The following NAA25 variants were observed in gnomAD, a reference collection of about 807,000 sequenced individuals.
NAA25 encodes N-terminal acetyltransferase B complex subunit NAA25.
NAA25 carries 30 observed loss-of-function variants against 132.5 expected under a neutral mutation model. That is an observed-to-expected ratio of 0.23 (90% CI 0.17 to 0.31). The LOEUF (loss-of-function observed/expected upper bound fraction) is 0.31, where lower values mean the gene tolerates loss of function less well. NAA25 is among the 10% of genes least tolerant of loss of function. NAA25 has a pLI of 1.00. For synonymous variants in NAA25, 359 were observed against 401.9 expected (o/e 0.89, Z 1.28); for missense variants, 771 against 1,150.4 (o/e 0.67, Z 4.77).
intron 17 of NAA25, among the ~76,000 whole-genome samples, chr12:112,045,841 T>A (rs1265976082): frequency 6.6e-6 from 1 of 151,998 alleles, no homozygotes; most frequent in African/African-American, 2.4e-5. Context: ...CTTAACAATT[T>A]TAAACAAATT....
intron 1 of NAA25, among the ~76,000 whole-genome samples, chr12:112,094,216 AGGCGACAGAGG>A (rs980661191): frequency 2.9e-5 from 4 of 140,290 alleles, no homozygotes; most frequent in Non-Finnish European, 4.6e-5. Context: ...ACTCCAGCCT[AGGCGACAGAGG>A]GAGACTCTGT....
At chr12:112,080,822 G>A (rs544980821) in intron 5 of NAA25, among the ~76,000 whole-genome samples, 19 of 151,952 alleles carry the variant, frequency 1.3e-4, no homozygotes, top group Admixed American at 1.2e-3. Flanking sequence ...TTTTTAATTA[G>A]CCAGGCAAGG....
At chr12:112,071,186 T>A (rs2078802026) in intron 10 of NAA25, among the ~76,000 whole-genome samples, 1 of 144,950 alleles carries the variant, frequency 6.9e-6, no homozygotes, top group African/African-American at 2.6e-5. Flanking sequence ...ATCCACCCAA[T>A]TTTTTGTATT....
chr12:112,057,341 A>G (rs984025063), intron 13 of NAA25, among the ~76,000 whole-genome samples: 1 of 152,224 alleles, frequency 6.6e-6, no homozygotes, highest in Non-Finnish European at 1.5e-5. Flanking sequence ...TTAATATAAG[A>G]GACTAGCAAA....
At chr12:112,059,047 C>T (rs1297651069) in intron 13 of NAA25, among the ~76,000 whole-genome samples, 1 of 117,960 alleles carries the variant, frequency 8.5e-6, no homozygotes, top group African/African-American at 3.4e-5. Flanking sequence ...GTACTCCAGT[C>T]TGGGCGACAG....
intron 9 of NAA25, among the ~76,000 whole-genome samples, chr12:112,072,336 G>C (rs1031671579): frequency 6.6e-6 from 1 of 152,144 alleles, no homozygotes; most frequent in Non-Finnish European, 1.5e-5. Flanking sequence ...GGCTGGGCGT[G>C]GTGGCTCACG....
chr12:112,078,617 A>G lies in NAA25; in HGVS notation c.585+17T>C, dbSNP rs780758982. On this transcript the variant is annotated intron_variant, in intron 6 of 23. Transcript: ENST00000261745. Reference sequence around the variant, plus strand: ...GCAAAAAAATGAAAACACAAAAGTAAGGCTTAAAATACTCACTTCAGCCTC... The same window carrying G: ...GCAAAAAAATGAAAACACAAAAGTAGGGCTTAAAATACTCACTTCAGCCTC... 6.3e-7 allele frequency: 1 copy of G among 1,594,060 alleles called. No individual in the cohort carries two copies. Among genetic ancestry groups the G allele is most frequent in the South Asian group, 1.1e-5 (1 of 89,878 alleles).
chr12:112,102,381 G>GA (rs35823628), intron 1 of NAA25, among the ~76,000 whole-genome samples: 180 of 139,130 alleles, frequency 1.3e-3, no homozygotes, highest in Non-Finnish European at 8.7e-4. Context: ...TCCAAAAACA[G>GA]AAAAAAAAAA....
At chr12:112,050,570 G>A (rs1016906558) in intron 15 of NAA25, among the ~76,000 whole-genome samples, 3 of 150,754 alleles carry the variant, frequency 2.0e-5, no homozygotes, top group Non-Finnish European at 4.4e-5. Flanking sequence ...GACAGCTGGA[G>A]TGCAGTGGTA....
At chr12:112,074,427 C>T (rs772143938) in intron 9 of NAA25, among the ~76,000 whole-genome samples, 2 of 147,908 alleles carry the variant, frequency 1.4e-5, no homozygotes, top group Non-Finnish European at 3.0e-5. Context: ...AGGCACCAAA[C>T]TATTAACAAG....
At chr12:112,096,668 T>C (rs2079216893) in intron 1 of NAA25, among the ~76,000 whole-genome samples, 1 of 152,218 alleles carries the variant, frequency 6.6e-6, no homozygotes, top group Non-Finnish European at 1.5e-5. Flanking sequence ...AAACATCTAA[T>C]ACCAGTTTTC....
chr12:112,047,932 A>C, intron 16 of NAA25, 142 bp from the exon 17 acceptor site: 1 of 876,018 alleles, frequency 1.1e-6, no homozygotes, highest in Non-Finnish European at 1.7e-6. Flanking sequence ...CCAAGCGCAG[A>C]TCAAACTGGC....
At chr12:112,108,153 A>G (rs1356124189) in intron 1 of NAA25, among the ~76,000 whole-genome samples, 1 of 151,976 alleles carries the variant, frequency 6.6e-6, no homozygotes, top group Non-Finnish European at 1.5e-5. Flanking sequence ...TCCACCCAAC[A>G]GCTCTGGATT....
chr12:112,067,672 G>A (rs774192634), intron 11 of NAA25, among the ~76,000 whole-genome samples: 10 of 151,994 alleles, frequency 6.6e-5, no homozygotes, highest in Non-Finnish European at 1.2e-4. Context: ...GCCACAGAGC[G>A]AGACCCTGTC....
intron 1 of NAA25, among the ~76,000 whole-genome samples, chr12:112,105,947 A>C (rs1457428373): frequency 6.6e-6 from 1 of 152,222 alleles, no homozygotes; most frequent in Non-Finnish European, 1.5e-5. Context: ...GGCAAGTACC[A>C]CCATAGATGA....
chr12:112,086,288 G>A (rs2079055854), intron 4 of NAA25, among the ~76,000 whole-genome samples: 1 of 151,290 alleles, frequency 6.6e-6, no homozygotes, highest in African/African-American at 2.4e-5. Flanking sequence ...TTGAGGTGAG[G>A]AATTTGAGAC....
chr12:112,101,458 A>G (rs1011047889), intron 1 of NAA25, among the ~76,000 whole-genome samples: 3 of 152,022 alleles, frequency 2.0e-5, no homozygotes, highest in Admixed American at 1.3e-4. Context: ...TGAAAGATAT[A>G]TATATAAGAT....
rs1047448898 is a variant in NAA25, at chr12:112,075,905, G to A, written c.665-116C>T. 2.8e-5 allele frequency: 22 copies of A among 789,780 alleles called. 1 individual carries two copies. In the African/African-American group the frequency reaches 3.7e-4, roughly 13 times the overall value. 48.9% of individuals were successfully genotyped at this position (789,780 alleles called of 1,614,324 possible). On this transcript the variant is annotated intron_variant, in intron 7 of 23. Transcript: ENST00000261745. ...ATTTTCTTTTCTTTTTTTTTGAGAT[G>A]GAGTTTCACTCTTGTCACCCAGGCT...
intron 1 of NAA25, among the ~76,000 whole-genome samples, chr12:112,101,912 G>T (rs563697052): frequency 1.5e-4 from 23 of 149,944 alleles, no homozygotes; most frequent in African/African-American, 5.6e-4. Flanking sequence ...TGTCACCCAG[G>T]CTGCAGTACA....
Sources: allele counts gnomAD v4.1 joint callset (sites outside exome capture counted in the v4.1 genomes callset), GRCh38; gene constraint gnomAD v4.1.1; transcripts MANE v1.5; gene names NCBI Gene and HGNC (gene_info 2026-07-23, HGNC 2026-07-21).